Variants in APBB2 observed in about 807,000 individuals in gnomAD.
The protein encoded by APBB2 is amyloid beta precursor protein binding family B member 2.
A neutral mutation model predicts 82.5 loss-of-function variants in APBB2; 38 were observed. That is an observed-to-expected ratio of 0.46 (90% CI 0.36 to 0.60). The LOEUF (loss-of-function observed/expected upper bound fraction) is 0.60. Among genes scored for constraint, APBB2 ranks in the 20% least tolerant of loss-of-function variants. The pLI is 0.00. For synonymous variants in APBB2, 341 were observed against 368.2 expected (o/e 0.93, Z 0.85); for missense variants, 772 against 972.3 (o/e 0.79, Z 2.74).
chr4:40,851,717 C>CATATATATATAT (rs3086183), intron 12 of APBB2, among the ~76,000 whole-genome samples: 40 of 116,008 alleles, frequency 3.4e-4, no homozygotes, highest in East Asian at 1.5e-3. Flanking sequence ...ATTTTCTATG[C>CATATATATATAT]ATATATATAT....
chr4:41,154,934 G>A (rs987323319), intron 1 of APBB2, among the ~76,000 whole-genome samples: 15 of 152,160 alleles, frequency 9.9e-5, no homozygotes, highest in African/African-American at 3.4e-4. Context: ...CTGGACAGAC[G>A]GGGCACCCTA....
intron 17 of APBB2, among the ~76,000 whole-genome samples, chr4:40,817,486 T>C (rs1187773705): frequency 6.6e-6 from 1 of 151,850 alleles, no homozygotes; most frequent in African/African-American, 2.4e-5. Flanking sequence ...TATATGAGGA[T>C]TTTTTTTCAA....
intron 12 of APBB2, among the ~76,000 whole-genome samples, chr4:40,844,261 T>G (rs1756841858): frequency 6.6e-6 from 1 of 152,160 alleles, no homozygotes; most frequent in African/African-American, 2.4e-5. Context: ...CCAGGCACAC[T>G]GTGTTACATG....
At chr4:40,885,268 G>A (rs1481310176) in intron 12 of APBB2, among the ~76,000 whole-genome samples, 1 of 152,218 alleles carries the variant, frequency 6.6e-6, no homozygotes, top group African/African-American at 2.4e-5. Context: ...TAAGCTAACA[G>A]AATGTAGAGG....
intron 3 of APBB2, among the ~76,000 whole-genome samples, chr4:41,078,453 T>C (rs1338532937): frequency 6.6e-6 from 1 of 152,244 alleles, no homozygotes; most frequent in Non-Finnish European, 1.5e-5. Context: ...GACAAATTGA[T>C]AATGTGAAAT....
At chr4:40,936,822 A>G (rs150438315) in intron 7 of APBB2, among the ~76,000 whole-genome samples, 8 of 152,220 alleles carry the variant, frequency 5.3e-5, no homozygotes, top group Non-Finnish European at 1.0e-4. Flanking sequence ...AGTCTTTATG[A>G]AGAGAAAATT....
At chr4:41,187,508 G>A (rs78797087) in intron 1 of APBB2, among the ~76,000 whole-genome samples, 2,960 of 152,212 alleles carry the variant, frequency 0.019, 90 homozygotes, top group African/African-American at 0.069. Flanking sequence ...AATTCAGAAG[G>A]CTTTGTTATC....
At chr4:40,880,455 A>T in intron 12 of APBB2, 1 of 985,478 alleles carries the variant, frequency 1.0e-6, no homozygotes, top group East Asian at 1.1e-4. Context: ...AGAGGCTTTT[A>T]GCAATTCTTC....
intron 12 of APBB2, among the ~76,000 whole-genome samples, chr4:40,831,259 C>T (rs2154302530): frequency 6.6e-6 from 1 of 152,054 alleles, no homozygotes. Flanking sequence ...ATTAGCTGGG[C>T]GTGGTGGCCG....
chr4:40,972,664 C>T (rs1372542423), intron 6 of APBB2, among the ~76,000 whole-genome samples: 1 of 152,176 alleles, frequency 6.6e-6, no homozygotes, highest in Non-Finnish European at 1.5e-5. Flanking sequence ...AACCACACTG[C>T]TGACTTCACA....
At chr4:41,088,483 T>C (rs918764418) in intron 3 of APBB2, among the ~76,000 whole-genome samples, 2 of 152,180 alleles carry the variant, frequency 1.3e-5, no homozygotes, top group Non-Finnish European at 2.9e-5. Flanking sequence ...ATCTGCGCTG[T>C]GAGAGGTGGA....
intron 1 of APBB2, among the ~76,000 whole-genome samples, chr4:41,163,676 T>C (rs1765750664): frequency 6.6e-6 from 1 of 152,190 alleles, no homozygotes; most frequent in Admixed American, 6.5e-5. Context: ...ATTCAACAGA[T>C]CCCAGGGAAC....
In APBB2 at chr4:41,013,702, G is replaced by C; in HGVS notation, c.716C>G (p.Thr239Arg). Residue 239 changes from threonine (T) to arginine (R), a missense_variant, in exon 6 of 18, where the codon ACA becomes AGA. Transcript: ENST00000508593. ...SPETKKDHPK[T>R]GAKTDCALHR... ...CAGTGCACAGTCGGTTTTGGCCCCTGTTTTCGGATGATCCTTCTTGGTTTC... is the reference window on the plus strand; with the variant it reads ...CAGTGCACAGTCGGTTTTGGCCCCTCTTTTCGGATGATCCTTCTTGGTTTC... The C allele has an allele frequency of 6.2e-7, 1 of 1,614,208 alleles. No homozygotes were observed. The highest frequency in any genetic ancestry group is 1.1e-5 in the South Asian group (1 of 91,088).
chr4:41,047,925 C>T (rs1724030613), intron 4 of APBB2, among the ~76,000 whole-genome samples: 1 of 152,226 alleles, frequency 6.6e-6, no homozygotes, highest in Non-Finnish European at 1.5e-5. Context: ...CTAATTATCC[C>T]TGGATCTCTC....
chr4:41,155,401 A>C (rs377668144), intron 1 of APBB2, among the ~76,000 whole-genome samples: 5 of 152,254 alleles, frequency 3.3e-5, no homozygotes, highest in African/African-American at 1.2e-4. Context: ...TCAAATTCAG[A>C]TTCTGGGTCA....
rs556701498 is a variant in APBB2, at chr4:41,181,222, C to T, written c.-417+33183G>A. ...TTTTTCCTAAACTGTTTCACCAAGC[C>T]ATTGTGGGGAGTTGGGGAAGTTGCC... On this transcript the variant is annotated intron_variant, in intron 1 of 17. Coordinates refer to ENST00000508593, the MANE Select transcript of APBB2 (RefSeq NM_004307.2). Among the ~76,000 whole-genome samples the T allele has an allele frequency of 3.9e-5, 6 of 152,192 alleles. No homozygotes were observed. In the South Asian group the frequency reaches 1.3e-3, roughly 32 times the overall value.
chr4:40,968,770 A>T (rs918201399), intron 6 of APBB2, among the ~76,000 whole-genome samples: 1 of 152,126 alleles, frequency 6.6e-6, no homozygotes, highest in South Asian at 2.1e-4. Flanking sequence ...AACTTTTCCT[A>T]ATCACCCACT....
rs139641670 is a variant in APBB2, at chr4:41,106,625, C to T, written c.-260-5875G>A. 2.5e-3 allele frequency among the ~76,000 whole-genome samples: 377 copies of T among 152,064 alleles called. 1 individual carries two copies. Among genetic ancestry groups the T allele is most frequent in the African/African-American group, 8.5e-3 (354 of 41,494 alleles). On this transcript the variant is annotated intron_variant, in intron 2 of 17. Transcript: ENST00000508593. Reference sequence around the variant, plus strand: ...CCAAGTAGCTGGGACTACAGGCGCCCGCCACCACGCCAGGCTAATTTTTTG... The same window carrying T: ...CCAAGTAGCTGGGACTACAGGCGCCTGCCACCACGCCAGGCTAATTTTTTG...
intron 2 of APBB2, among the ~76,000 whole-genome samples, chr4:41,129,055 T>A (rs145458462): frequency 6.6e-6 from 1 of 152,068 alleles, no homozygotes; most frequent in Non-Finnish European, 1.5e-5. Flanking sequence ...CCTACCCCAG[T>A]GTCCCTCCTC....
Sources: gnomAD v4.1 joint callset for allele counts (sites outside exome capture counted in the v4.1 genomes callset) on GRCh38, gnomAD v4.1.1 for gene constraint, MANE v1.5 for transcripts, NCBI Gene and HGNC (gene_info 2026-07-23, HGNC 2026-07-21) for gene names.